Variants in SORCS2 observed in about 807,000 individuals in gnomAD.
The protein encoded by SORCS2 is VPS10 domain-containing receptor SorCS2.
SORCS2 carries 100 observed loss-of-function variants against 141.6 expected under a neutral mutation model. The observed-to-expected ratio is 0.71, with a 90% CI of 0.60 to 0.83. The LOEUF (loss-of-function observed/expected upper bound fraction) is 0.83. Among genes scored for constraint, SORCS2 ranks in the 40% least tolerant of loss-of-function variants. The pLI, the probability that SORCS2 is intolerant of heterozygous loss-of-function variation, is 0.00. For synonymous variants in SORCS2, 789 were observed against 676.9 expected, an observed-to-expected ratio of 1.17 and a Z score of -2.57; for missense variants, 1,646 against 1,560.2, an observed-to-expected ratio of 1.05 and a Z score of -0.93.
intron 1 of SORCS2, among the ~76,000 whole-genome samples, chr4:7,373,993 CAA>C (rs760932754): frequency 6.6e-6 from 1 of 152,172 alleles, no homozygotes; most frequent in Non-Finnish European, 1.5e-5. Flanking sequence ...TCCAAAGGCA[CAA>C]AGATTTCTTC....
chr4:7,354,333 G>A (rs555750595), intron 1 of SORCS2, among the ~76,000 whole-genome samples: 46 of 151,890 alleles, frequency 3.0e-4, no homozygotes, highest in African/African-American at 4.6e-4. Context: ...GCTGCCTTCC[G>A]GCTCCCAGGT....
intron 1 of SORCS2, among the ~76,000 whole-genome samples, chr4:7,247,854 C>A (rs1045093002): frequency 6.6e-6 from 1 of 152,220 alleles, no homozygotes; most frequent in Admixed American, 6.5e-5. Flanking sequence ...TGGGAAAGTG[C>A]TGAGCAGAGG....
At chr4:7,565,855 GAT>G (rs1714949899) in intron 3 of SORCS2, among the ~76,000 whole-genome samples, 1 of 149,804 alleles carries the variant, frequency 6.7e-6, no homozygotes, top group Non-Finnish European at 1.5e-5. Context: ...TGATGATGGT[GAT>G]GATGGTGATG....
intron 1 of SORCS2, among the ~76,000 whole-genome samples, chr4:7,241,369 A>C (rs901017336): frequency 7.2e-5 from 11 of 152,144 alleles, no homozygotes; most frequent in African/African-American, 2.2e-4. Flanking sequence ...GGGGTGGGAC[A>C]TGGGCCCCGG....
At chr4:7,303,584 C>T (rs370286038) in intron 1 of SORCS2, among the ~76,000 whole-genome samples, 6 of 152,290 alleles carry the variant, frequency 3.9e-5, no homozygotes, top group South Asian at 4.1e-4. Flanking sequence ...GAGTGAATTT[C>T]GGCGTTTGGT....
At chr4:7,544,025 C>T (rs1713044100) in intron 3 of SORCS2, among the ~76,000 whole-genome samples, 1 of 150,646 alleles carries the variant, frequency 6.6e-6, no homozygotes, top group Admixed American at 6.6e-5. Flanking sequence ...CCCATCCATC[C>T]ATCCAGCCAC....
At chr4:7,647,023 G>C (rs117175652) in intron 4 of SORCS2, among the ~76,000 whole-genome samples, 7 of 152,134 alleles carry the variant, frequency 4.6e-5, no homozygotes, top group African/African-American at 1.7e-4. Context: ...CGGGAGACCC[G>C]GACTCTTACC....
chr4:7,701,730 C>A (rs1279189082), intron 12 of SORCS2, among the ~76,000 whole-genome samples: 2 of 152,184 alleles, frequency 1.3e-5, no homozygotes, highest in South Asian at 4.1e-4. Flanking sequence ...AGTCCATGTC[C>A]TCCCCAGGGC....
chr4:7,550,938 CT>C (rs1030527829), intron 3 of SORCS2, among the ~76,000 whole-genome samples: 38 of 152,322 alleles, frequency 2.5e-4, no homozygotes, highest in Non-Finnish European at 4.6e-4. Flanking sequence ...CTGAGCTTGG[CT>C]TTCCTGCGGG....
At chr4:7,407,194 C>G (rs1725021954) in intron 2 of SORCS2, among the ~76,000 whole-genome samples, 2 of 152,018 alleles carry the variant, frequency 1.3e-5, no homozygotes, top group African/African-American at 2.4e-5. Context: ...CCTATTAGGT[C>G]TGGTGTGTAG....
chr4:7,407,977 A>C (rs1403258121), intron 2 of SORCS2, among the ~76,000 whole-genome samples: 1 of 152,020 alleles, frequency 6.6e-6, no homozygotes, highest in Non-Finnish European at 1.5e-5. Flanking sequence ...CATCTCCCCC[A>C]TATTTTTACT....
At chr4:7,363,352 CCAT>C (rs1303341205) in intron 1 of SORCS2, among the ~76,000 whole-genome samples, 2 of 152,298 alleles carry the variant, frequency 1.3e-5, no homozygotes, top group Non-Finnish European at 2.9e-5. Context: ...ACCACCACCA[CCAT>C]CATTACTATC....
intron 1 of SORCS2, among the ~76,000 whole-genome samples, chr4:7,245,405 G>A (rs1303504086): frequency 6.6e-6 from 1 of 152,210 alleles, no homozygotes; most frequent in African/African-American, 2.4e-5. Context: ...GGACTGATAT[G>A]GAATTTTTCT....
At chr4:7,234,938 G>T (rs921567323) in intron 1 of SORCS2, among the ~76,000 whole-genome samples, 1 of 152,228 alleles carries the variant, frequency 6.6e-6, no homozygotes, top group Admixed American at 6.5e-5. Context: ...AGGAGACAGG[G>T]GCTAGGCTGG....
At chr4:7,247,672 C>G (rs531849923) in intron 1 of SORCS2, among the ~76,000 whole-genome samples, 1 of 152,140 alleles carries the variant, frequency 6.6e-6, no homozygotes, top group Non-Finnish European at 1.5e-5. Flanking sequence ...GCCAAGGCTA[C>G]GAGAGTGCTG....
rs544728690 is a variant in SORCS2 at position 7,633,553 on chromosome 4, A to G, written c.649-4775A>G. ...TGTGTTTACCTGAATCCTTGCTTGG[A>G]CCATGTGGTTTTGCAATGTGAAAGA... On this transcript the variant is annotated intron_variant, in intron 3 of 26. Coordinates refer to ENST00000507866, the MANE Select transcript of SORCS2 (RefSeq NM_020777.3). 4.4e-5 allele frequency among the ~76,000 whole-genome samples: 5 copies of G among 112,842 alleles called. No individual in the cohort carries two copies. The East Asian group carries it at 9.7e-4, about 22-fold the overall frequency. The allele number at this position is 112,842 out of a possible 152,430, so 74.0% of individuals were successfully genotyped here.
intron 3 of SORCS2, among the ~76,000 whole-genome samples, chr4:7,552,664 G>T (rs1713801254): frequency 3.3e-5 from 5 of 152,194 alleles, no homozygotes; most frequent in Admixed American, 2.6e-4. Context: ...TCCTGCCATG[G>T]CCGTGGCTGC....
chr4:7,250,087 C>A (rs535455987), intron 1 of SORCS2, among the ~76,000 whole-genome samples: 2 of 152,206 alleles, frequency 1.3e-5, no homozygotes, highest in Admixed American at 1.3e-4. Context: ...ACTAAAAATA[C>A]AAAAATTAGC....
chr4:7,394,297 C>A (rs1724061132), intron 1 of SORCS2, among the ~76,000 whole-genome samples: 1 of 151,984 alleles, frequency 6.6e-6, no homozygotes, highest in South Asian at 2.1e-4. Flanking sequence ...AGGTGCTGTG[C>A]CCCGCACTGG....
Sources: allele counts gnomAD v4.1 joint callset (sites outside exome capture counted in the v4.1 genomes callset), GRCh38; gene constraint gnomAD v4.1.1; transcripts MANE v1.5; gene names NCBI Gene and HGNC (gene_info 2026-07-23, HGNC 2026-07-21).